Variants in MYH4 observed in about 807,000 individuals in gnomAD.
MYH4 encodes myosin heavy chain 4.
In MYH4, 200 loss-of-function variants were observed where a neutral mutation model predicts 229.9. The observed-to-expected ratio is 0.87, with a 90% CI of 0.78 to 0.98. The LOEUF (loss-of-function observed/expected upper bound fraction) is 0.98, where lower values mean the gene tolerates loss of function less well. Among genes scored for constraint, MYH4 ranks in the 50% least tolerant of loss-of-function variants. The probability of loss-of-function intolerance (pLI) is 0.00; values close to 1 mark genes in which losing one functional copy is unlikely to be tolerated. For synonymous variants in MYH4, 761 were observed against 834.6 expected, an observed-to-expected ratio of 0.91 and a Z score of 1.52; for missense variants, 2,148 against 2,332.6, an observed-to-expected ratio of 0.92 and a Z score of 1.63.
chr17:10,451,532 G>C (rs1406038174), intron 27 of MYH4, 80 bp from the exon 28 acceptor site: 17 of 1,428,752 alleles, frequency 1.2e-5, no homozygotes, highest in Non-Finnish European at 1.6e-5. Context: ...GTAACTACCT[G>C]TGGAAAGGGG....
At chr17:10,453,934 G>A in intron 22 of MYH4, 49 bp from the exon 23 acceptor site, 1 of 1,602,642 alleles carries the variant, frequency 6.2e-7, no homozygotes, top group Non-Finnish European at 8.5e-7. Context: ...ATATCTATAA[G>A]CACACAATAA....
intron 11 of MYH4, among the ~76,000 whole-genome samples, chr17:10,462,191 T>C (rs929730891): frequency 3.9e-5 from 6 of 152,050 alleles, no homozygotes; most frequent in African/African-American, 1.2e-4. Flanking sequence ...AAGTTAAAAA[T>C]AAGGAAGATT....
intron 33 of MYH4, 71 bp downstream of exon 33, chr17:10,448,325 T>G: frequency 1.3e-6 from 2 of 1,500,852 alleles, no homozygotes; most frequent in Non-Finnish European, 1.8e-6. Context: ...ATTTGCAACA[T>G]GATAGAGATC....
Position 10,448,650 on chromosome 17 carries a change from T to C in MYH4, c.4499A>G (p.Glu1500Gly). ...GTTCTTATTCTCTCGCTTTAGAGTT[T>C]CAAGATGATCCAGGGATTCCTCGTA... Reference protein sequence around the residue: ...NAYEESLDHLETLKRENKNLQ... With the variant: ...NAYEESLDHLGTLKRENKNLQ... The change falls in exon 32 of 40, where the codon GAA becomes GGA. Residue 1500 changes from glutamate (E) to glycine (G), a missense_variant. Physicochemically the swap from Glu to Gly is moderately conservative, Grantham distance 98. Transcript: ENST00000255381. 1.1e-5 allele frequency: 17 copies of C among 1,614,116 alleles called. No homozygotes were observed. The highest frequency in any genetic ancestry group is 1.4e-5 in the Non-Finnish European group (17 of 1,179,986).
At position 10,451,937 on chromosome 17, in the gene MYH4, A is replaced by C; in HGVS notation, c.3738+4T>G. On this transcript the variant is annotated splice_donor_region_variant and intron_variant, in intron 27 of 39. Transcript: ENST00000255381. ...AGATGAAAAGGGCACAAGTTAATGA[A>C]GACCTTGGCTTTGGAGACAGTCTCC... is the stretch of plus-strand genomic sequence containing the variant. 1.9e-6 allele frequency: 3 copies of C among 1,592,850 alleles called. No homozygotes were observed. Among genetic ancestry groups the C allele is most frequent in the Non-Finnish European group, 1.7e-6 (2 of 1,169,036 alleles).
intron 14 of MYH4, 112 bp from the exon 15 acceptor site, chr17:10,459,533 C>T (rs953462198): frequency 1.3e-6 from 2 of 1,541,884 alleles, no homozygotes; most frequent in Non-Finnish European, 8.8e-7. Context: ...AAATTATAAA[C>T]CTTCAGATTG....
Position 10,445,379 on chromosome 17 carries a change from A to AAAAAG in MYH4, c.5170-18_5170-17insCTTTT. The AAAAAG allele has an allele frequency of 6.4e-7, 1 of 1,565,464 alleles. No individual in the cohort carries two copies. Among genetic ancestry groups the AAAAAG allele is most frequent in the Non-Finnish European group, 8.7e-7 (1 of 1,152,674 alleles). On this transcript the variant is annotated splice_polypyrimidine_tract_variant and intron_variant, in intron 35 of 39. Transcript: ENST00000255381. ...GCTGGTGTTCTGTTTCAAATTAATG[A>AAAAAG]AAGAGAAGAGAAGCACATTTACTTA... is the stretch of plus-strand genomic sequence containing the variant.
chr17:10,451,977 G>T lies in MYH4; in HGVS notation c.3702C>A (p.Asp1234Glu). 1 of 1,613,234 alleles carries T rather than the reference G, an allele frequency of 6.2e-7. No individual in the cohort carries two copies. The highest frequency in any genetic ancestry group is 8.5e-7 in the Non-Finnish European group (1 of 1,179,556). Residue 1234 changes from aspartate to glutamate, a missense_variant, in exon 27 of 40, where the codon GAC becomes GAA. Physicochemically the swap from Asp to Glu is conservative, Grantham distance 45. Coordinates refer to ENST00000255381, the MANE Select transcript of MYH4 (RefSeq NM_017533.2). ...EKSELKMEIN[D>E]LASNMETVSK... is the part of the protein sequence containing the mutation. ...AGACAGTCTCCATGTTACTAGCAAG[G>T]TCATTGATCTCCATCTTCAGCTCAC...
rs1237827317 is a variant in MYH4 at position 10,465,489 on chromosome 17, G to A, written c.458C>T (p.Pro153Leu). 1 of 1,614,076 alleles carries A rather than the reference G, an allele frequency of 6.2e-7. No individual in the cohort carries two copies. The highest frequency in any genetic ancestry group is 1.7e-5 in the Admixed American group (1 of 60,006). ...ATTGTCAGAGATGGAGAAGATATGG[G>A]GTGGGGCCTCCTGGCGCTTTTTGCC... ...YRGKKRQEAP[P>L]HIFSISDNAY... is the part of the protein sequence containing the mutation. Residue 153 changes from proline to leucine, a missense_variant, in exon 5 of 40, where the codon CCC becomes CTC. Pro to Leu is a moderately conservative substitution (Grantham distance 98, BLOSUM62 -3). Coordinates refer to ENST00000255381, the MANE Select transcript of MYH4 (RefSeq NM_017533.2).
At position 10,450,546 on chromosome 17, in the gene MYH4, C is replaced by T. The variant is rs201813015; in HGVS notation, c.4088G>A (p.Arg1363Lys). The T allele has an allele frequency of 1.9e-6, 3 of 1,614,194 alleles. No individual in the cohort carries two copies. The East Asian group carries it at 6.7e-5, about 36-fold the overall frequency. The change falls in exon 30 of 40, where the codon AGG (arginine) becomes AAG (lysine). Residue 1363 changes from arginine (R) to lysine (K), a missense_variant. Transcript: ENST00000255381. ...CTCACTGTTGGCCTTGGACATTCCC[C>T]TCTGCAGCTCAGCCTTGGCTTCCTG... Reference protein sequence around the residue: ...EEQEAKAELQRGMSKANSEVA... With the variant: ...EEQEAKAELQKGMSKANSEVA...
At position 10,445,097 on chromosome 17, in the gene MYH4, T is replaced by C; in HGVS notation, c.5345A>G (p.His1782Arg). 1 of 1,614,144 alleles carries C rather than the reference T, an allele frequency of 6.2e-7. No individual in the cohort carries two copies. The highest frequency in any genetic ancestry group is 8.5e-7 in the Non-Finnish European group (1 of 1,180,016). ...ELKKEQDTSAHLERMKKNMEQ... is the reference protein window; with the variant it reads ...ELKKEQDTSARLERMKKNMEQ... ...CATGTTCTTCTTCATCCGCTCCAGG[T>C]GGGCGCTGGTGTCCTGTTCCTTCTT... The change falls in exon 37 of 40, where the codon CAC (histidine) becomes CGC (arginine). Residue 1782 changes from histidine (H) to arginine (R), a missense_variant. Physicochemically the swap from His to Arg is conservative, Grantham distance 29 (BLOSUM62 0). Coordinates refer to ENST00000255381, the MANE Select transcript of MYH4 (RefSeq NM_017533.2).
chr17:10,456,520 C>T lies in MYH4; in HGVS notation c.1933G>A (p.Gly645Ser). ...GCTGACACTGTCTGGAAAGAAGAAC[C>T]CTTCTTTTTGCCACCTTTCTTTCCA... ...GGGKKGGKKKGSSFQTVSALF... is the reference protein window; with the variant it reads ...GGGKKGGKKKSSSFQTVSALF... The change falls in exon 17 of 40, where the codon GGT (glycine) becomes AGT (serine). Residue 645 changes from glycine to serine, a missense_variant. Coordinates refer to ENST00000255381, the MANE Select transcript of MYH4 (RefSeq NM_017533.2). 2.5e-6 allele frequency: 4 copies of T among 1,613,850 alleles called. No individual in the cohort carries two copies. The South Asian group carries it at 4.4e-5, about 18-fold the overall frequency.
rs2072583349 is a variant in MYH4, at chr17:10,452,155, A to C, written c.3524T>G (p.Phe1175Cys). Reference sequence around the variant, plus strand: ...TTCCAGGTCCCTGCGCATTTTCTGGAACTCAGCCTCCCGCTTCTTGTTCAT... The same window carrying C: ...TTCCAGGTCCCTGCGCATTTTCTGGCACTCAGCCTCCCGCTTCTTGTTCAT... Reference protein sequence around the residue: ...IEMNKKREAEFQKMRRDLEES... With the variant: ...IEMNKKREAECQKMRRDLEES... The change falls in exon 27 of 40, where the codon TTC becomes TGC. Residue 1175 changes from phenylalanine to cysteine, a missense_variant. Transcript: ENST00000255381. 1 of 1,613,828 alleles carries C rather than the reference A, an allele frequency of 6.2e-7. No homozygotes were observed.
rs981144873 is a variant in MYH4 at position 10,450,556 on chromosome 17, C to T, written c.4078G>A (p.Glu1360Lys). 2 of 1,614,214 alleles carry T rather than the reference C, an allele frequency of 1.2e-6. No individual in the cohort carries two copies. The highest frequency in any genetic ancestry group is 2.7e-5 in the African/African-American group (2 of 75,078). Residue 1360 changes from glutamate (E) to lysine (K), a missense_variant, in exon 30 of 40, where the codon GAG becomes AAG. Physicochemically the swap from Glu to Lys is moderately conservative, Grantham distance 56. Transcript: ENST00000255381. ...QYEEEQEAKA[E>K]LQRGMSKANS... ...GCCTTGGACATTCCCCTCTGCAGCT[C>T]AGCCTTGGCTTCCTGCTCCTCCTCA...
At chr17:10,445,913 A>G (rs1384729141) in intron 35 of MYH4, among the ~76,000 whole-genome samples, 1 of 150,980 alleles carries the variant, frequency 6.6e-6, no homozygotes, top group African/African-American at 2.4e-5. Flanking sequence ...CTGTAGTCCC[A>G]GCTACTCGGG....
intron 2 of MYH4, among the ~76,000 whole-genome samples, chr17:10,467,920 A>G (rs1396418330): frequency 6.6e-6 from 1 of 152,246 alleles, no homozygotes; most frequent in Non-Finnish European, 1.5e-5. Context: ...AATGACAGCA[A>G]TGATGGCGAC....
intron 35 of MYH4, among the ~76,000 whole-genome samples, chr17:10,446,610 A>G (rs996739821): frequency 2.6e-5 from 4 of 152,234 alleles, no homozygotes; most frequent in Non-Finnish European, 5.9e-5. Flanking sequence ...TTCTCTTTGT[A>G]TCCCATGAGG....
At position 10,454,933 on chromosome 17, in the gene MYH4, GCT is replaced by G. The variant is rs1275832177; in HGVS notation, c.2435+6_2435+7del. 1.2e-6 allele frequency: 2 copies of G among 1,613,944 alleles called. No homozygotes were observed. Among genetic ancestry groups the G allele is most frequent in the Non-Finnish European group, 1.7e-6 (2 of 1,179,846 alleles). ...GTGGAGCAGGAAGACTTGTGTGTGG[GCT>G]CTCACCTCCTCTCCATCATCTTTCT... On this transcript the variant is annotated splice_donor_region_variant and intron_variant, in intron 21 of 39. Coordinates refer to ENST00000255381, the MANE Select transcript of MYH4 (RefSeq NM_017533.2).
intron 16 of MYH4, among the ~76,000 whole-genome samples, chr17:10,456,793 G>A (rs1039124751): frequency 6.6e-6 from 1 of 152,212 alleles, no homozygotes; most frequent in Non-Finnish European, 1.5e-5. Context: ...AGTGTAAGGG[G>A]TAGATGTGGG....
Sources: allele counts gnomAD v4.1 joint callset (sites outside exome capture counted in the v4.1 genomes callset), GRCh38; gene constraint gnomAD v4.1.1; transcripts MANE v1.5; gene names NCBI Gene and HGNC (gene_info 2026-07-23, HGNC 2026-07-21).